Variants in MMS19 observed in about 807,000 individuals in gnomAD.
MMS19 encodes MMS19 nucleotide excision repair protein homolog.
Under a neutral mutation model 129.8 loss-of-function variants are expected in MMS19, and 77 were observed. The ratio of observed to expected loss-of-function variants is 0.59; its 90% CI spans 0.49 to 0.72. The LOEUF (loss-of-function observed/expected upper bound fraction) is 0.72. Ranked by LOEUF, MMS19 falls within the 30% of genes least tolerant of loss-of-function variation. MMS19 has a pLI of 0.00. For missense variants in MMS19, 1,168 were observed against 1,266.3 expected (o/e 0.92, Z 1.18); for synonymous variants, 491 against 502.8 (o/e 0.98, Z 0.31).
intron 9 of MMS19, 147 bp from the exon 10 acceptor site, chr10:97,470,350 C>G: frequency 1.5e-6 from 1 of 656,806 alleles, no homozygotes; most frequent in Non-Finnish European, 2.7e-6. Flanking sequence ...GTAAGCTAAC[C>G]TTCCTGCCAA....
At chr10:97,484,200 C>G in intron 1 of MMS19, 49 bp from the exon 2 acceptor site, 1 of 1,241,344 alleles carries the variant, frequency 8.1e-7, no homozygotes, top group Non-Finnish European at 1.1e-6. Context: ...AAAAACCTAC[C>G]AAAGGGTTGA....
chr10:97,465,673 A>C, intron 18 of MMS19, 132 bp downstream of exon 18: 1 of 868,782 alleles, frequency 1.2e-6, no homozygotes, highest in Non-Finnish European at 1.8e-6. Flanking sequence ...GGACGCAGGC[A>C]TCAGTATTTT....
chr10:97,497,800 T>C (rs542752249), intron 1 of MMS19, among the ~76,000 whole-genome samples: 1 of 152,258 alleles, frequency 6.6e-6, no homozygotes, highest in Non-Finnish European at 1.5e-5. Flanking sequence ...TCCTCTTAAT[T>C]CCAGCCAGTC....
In MMS19 at chr10:97,477,947, G is replaced by C. The variant is rs2036066286; in HGVS notation, c.349-18C>G. On this transcript the variant is annotated intron_variant, in intron 4 of 30. Coordinates refer to ENST00000438925, the MANE Select transcript of MMS19 (RefSeq NM_022362.5). ...CACAGGCTCTGGGGGAGAGGAGAAGGTACGTGAATACCGAAGGAATTGCAG... is the reference window on the plus strand; with the variant it reads ...CACAGGCTCTGGGGGAGAGGAGAAGCTACGTGAATACCGAAGGAATTGCAG... 6.4e-7 allele frequency: 1 copy of C among 1,555,078 alleles called. No individual in the cohort carries two copies. The highest frequency in any genetic ancestry group is 1.4e-5 in the African/African-American group (1 of 72,666).
At chr10:97,459,954 A>G (rs565971673) in intron 26 of MMS19, 92 bp downstream of exon 26, 4 of 1,388,480 alleles carry the variant, frequency 2.9e-6, no homozygotes, top group East Asian at 2.3e-5. Context: ...ATATAGCTCT[A>G]AAGAAGCAAG....
At chr10:97,489,689 G>A (rs767962778) in intron 1 of MMS19, among the ~76,000 whole-genome samples, 2 of 152,194 alleles carry the variant, frequency 1.3e-5, no homozygotes. Context: ...TGAATTCTTA[G>A]TCTCTCCTGG....
At chr10:97,498,562 T>G, upstream of MMS19, 17 of 693,540 alleles carry the variant, frequency 2.5e-5, no homozygotes, top group East Asian at 7.0e-5. Context: ...AATGGGGCGG[T>G]GGCACCGAGA....
At chr10:97,481,247 G>A (rs1196832560) in intron 2 of MMS19, among the ~76,000 whole-genome samples, 1 of 152,154 alleles carries the variant, frequency 6.6e-6, no homozygotes, top group Non-Finnish European at 1.5e-5. Flanking sequence ...GCGATCCTCA[G>A]ACTGAAGTGG....
chr10:97,497,731 G>T (rs1306801929), intron 1 of MMS19, among the ~76,000 whole-genome samples: 1 of 152,244 alleles, frequency 6.6e-6, no homozygotes, highest in Non-Finnish European at 1.5e-5. Context: ...GAAACGGAGA[G>T]AAAGTCTTAA....
At chr10:97,471,039 T>G (rs1241236856) in intron 8 of MMS19, among the ~76,000 whole-genome samples, 178 bp from the exon 9 acceptor site, 2 of 152,176 alleles carry the variant, frequency 1.3e-5, no homozygotes, top group Non-Finnish European at 2.9e-5. Context: ...TGGGAACTTT[T>G]GTCTTTAGGC....
At chr10:97,482,961 C>T (rs1185525430) in intron 2 of MMS19, among the ~76,000 whole-genome samples, 2 of 151,950 alleles carry the variant, frequency 1.3e-5, no homozygotes, top group African/African-American at 4.8e-5. Flanking sequence ...GGGGTTTCAC[C>T]GTGCTAGCCA....
At chr10:97,472,399 G>A (rs560003034) in intron 8 of MMS19, among the ~76,000 whole-genome samples, 3 of 152,040 alleles carry the variant, frequency 2.0e-5, no homozygotes, top group South Asian at 2.1e-4. Flanking sequence ...CACCATGCCC[G>A]GCTAATTTTT....
At chr10:97,460,507 G>A (rs2031486281) in intron 25 of MMS19, among the ~76,000 whole-genome samples, 188 bp downstream of exon 25, 1 of 152,198 alleles carries the variant, frequency 6.6e-6, no homozygotes, top group African/African-American at 2.4e-5. Flanking sequence ...CGGAGGTTGA[G>A]GCTGGAGTGA....
rs771665774 is a variant in MMS19 at position 97,467,582 on chromosome 10, C to G, written c.1220G>C (p.Ser407Thr). 2.5e-6 allele frequency: 4 copies of G among 1,613,744 alleles called. No individual in the cohort carries two copies. Among genetic ancestry groups the G allele is most frequent in the Non-Finnish European group, 3.4e-6 (4 of 1,179,796 alleles). Residue 407 changes from serine (S) to threonine (T), a missense_variant and splice_region_variant, in exon 14 of 31, where the codon AGC becomes ACC. Around this residue, in one of 3 missense-constraint regions of MMS19, gnomAD observed 831 missense variants for 910.8 expected, o/e 0.91. Transcript: ENST00000438925. ...LLEQFHKHSQ[S>T]SQRRTILEML... ...TTCAAGGATTGTCCGCCGCTGGCTG[C>G]TCTGTAACGTTTCAAGGGGTACTAG... is the stretch of plus-strand genomic sequence containing the variant.
At position 97,476,840 on chromosome 10, in the gene MMS19, CT is replaced by C; in HGVS notation, c.616del (p.Ser206AlafsTer12). On this transcript the variant is annotated frameshift_variant, in exon 7 of 31. Coordinates refer to ENST00000438925, the MANE Select transcript of MMS19 (RefSeq NM_022362.5). LOFTEE classifies it high-confidence loss of function. ...IVHDLISRDY[S>X]LGPFVEELFE... ...TCATGGCTACCACGATATACCCAGG[CT>C]ATAGTCCCTGGAGATGAGGTCATGG... 1 of 1,614,006 alleles carries C rather than the reference CT, an allele frequency of 6.2e-7. No individual in the cohort carries two copies. Among genetic ancestry groups the C allele is most frequent in the Admixed American group, 1.7e-5 (1 of 60,012 alleles).
At chr10:97,460,466 G>A (rs908035512) in intron 25 of MMS19, 7 of 621,406 alleles carry the variant, frequency 1.1e-5, no homozygotes, top group Middle Eastern at 4.3e-4. Context: ...AGCTACTTGC[G>A]AGGCTGAAGT....
intron 6 of MMS19, 39 bp downstream of exon 6, chr10:97,477,308 G>T (rs1298752661): frequency 6.2e-7 from 1 of 1,613,882 alleles, no homozygotes; most frequent in Non-Finnish European, 8.5e-7. Flanking sequence ...AGTAGGATGT[G>T]CTTGCTTTTG....
At chr10:97,468,461 C>T in intron 12 of MMS19, 55 bp from the exon 13 acceptor site, 1 of 1,506,130 alleles carries the variant, frequency 6.6e-7, no homozygotes, top group Non-Finnish European at 8.9e-7. Context: ...TGCCTGACTC[C>T]CCTACAGTCC....
chr10:97,477,941 G>T lies in MMS19; in HGVS notation c.349-12C>A, dbSNP rs763686572. ...GCCACACACAGGCTCTGGGGGAGAG[G>T]AGAAGGTACGTGAATACCGAAGGAA... On this transcript the variant is annotated splice_polypyrimidine_tract_variant and intron_variant, in intron 4 of 30. Coordinates refer to ENST00000438925, the MANE Select transcript of MMS19 (RefSeq NM_022362.5). 26 of 1,576,234 alleles carry T rather than the reference G, an allele frequency of 1.6e-5. No homozygotes were observed. The highest frequency in any genetic ancestry group is 2.2e-5 in the Non-Finnish European group (26 of 1,163,328).
Sources: allele counts gnomAD v4.1 joint callset (sites outside exome capture counted in the v4.1 genomes callset), GRCh38; gene constraint gnomAD v4.1.1; regional missense constraint gnomAD v4.1.1; transcripts MANE v1.5; gene names NCBI Gene and HGNC (gene_info 2026-07-23, HGNC 2026-07-21).